AP4B1: variants seen among roughly 807,000 people sequenced by gnomAD.
AP4B1 encodes the protein adaptor related protein complex 4 subunit beta 1.
Under a neutral mutation model 76.5 loss-of-function variants are expected in AP4B1, and 49 were observed. The observed-to-expected ratio is 0.64, with a 90% confidence interval of 0.51 to 0.81. The LOEUF is 0.81. Among genes scored for constraint, AP4B1 ranks in the 40% least tolerant of loss-of-function variants. The pLI is 0.00. For synonymous variants in AP4B1, 330 were observed against 333.3 expected (o/e 0.99, Z 0.11); for missense variants, 911 against 904.9 (o/e 1.01, Z -0.09).
At chr1:113,898,655 A>G (rs1667798340) in intron 6 of AP4B1, 63 bp downstream of exon 6, 6 of 1,213,378 alleles carry the variant, frequency 4.9e-6, no homozygotes, top group African/African-American at 1.5e-5. Context: ...ACATGTTTTG[A>G]GCAACTACTA....
At position 113,902,791 on chromosome 1, in the gene AP4B1, A is replaced by AT. The variant is rs1668450079; in HGVS notation, c.184dup (p.Ile62AsnfsTer50). 6.2e-7 allele frequency: 1 copy of AT among 1,614,240 alleles called. No homozygotes were observed. On this transcript the variant is annotated frameshift_variant, in exon 2 of 10. Transcript: ENST00000369569. LOFTEE classifies it high-confidence loss of function. ...CAGATAAACCAACTTCTTCTGGACA[A>AT]TATCTACAGTGGCACTGGCCTTCAC...
Position 113,902,839 on chromosome 1 carries a change from A to G in AP4B1, c.137T>C (p.Met46Thr). The G allele has an allele frequency of 1.2e-6, 2 of 1,614,220 alleles. No individual in the cohort carries two copies. The highest frequency in any genetic ancestry group is 1.7e-6 in the Non-Finnish European group (2 of 1,180,044). Residue 46 changes from methionine to threonine, a missense_variant, in exon 2 of 10, where the codon ATG (methionine) becomes ACG (threonine). Physicochemically the swap from Met to Thr is moderately conservative, Grantham distance 81. Coordinates refer to ENST00000369569, the MANE Select transcript of AP4B1 (RefSeq NM_001253852.3). ...VIRYMTQGLD[M>T]SGVFMEMVKA... ...CACCATTTCCATAAAAACACCAGAC[A>G]TGTCCAAGCCTTGAGTCATGTACCT... is the stretch of plus-strand genomic sequence containing the variant.
chr1:113,904,500 G>A, intron 1 of AP4B1, 105 bp downstream of exon 1: 1 of 1,060,106 alleles, frequency 9.4e-7, no homozygotes, highest in Non-Finnish European at 1.5e-6. Context: ...CCATATAACT[G>A]CCACGTGTGA....
intron 3 of AP4B1, 70 bp from the exon 4 acceptor site, chr1:113,901,453 A>G (rs1277710261): frequency 6.5e-7 from 1 of 1,539,494 alleles, no homozygotes; most frequent in Non-Finnish European, 9.0e-7. Context: ...AGCCAGAGTA[A>G]TAGCTCCAGG....
rs769542224 is a variant in AP4B1, at chr1:113,895,034, C to G, written c.*31G>C. 1 of 1,596,894 alleles carries G rather than the reference C, an allele frequency of 6.3e-7. No homozygotes were observed. Among genetic ancestry groups the G allele is most frequent in the Non-Finnish European group, 8.6e-7 (1 of 1,168,418 alleles). On this transcript the variant is annotated 3_prime_UTR_variant, in exon 10 of 10. Coordinates refer to ENST00000369569, the MANE Select transcript of AP4B1 (RefSeq NM_001253852.3). ...AGACTAAGAAAGTGTAATAGTTATT[C>G]ATCTTACTCTAGACAAGCAACAAGA... is the stretch of plus-strand genomic sequence containing the variant.
chr1:113,901,522 C>G, intron 3 of AP4B1, 139 bp from the exon 4 acceptor site: 1 of 995,930 alleles, frequency 1.0e-6, no homozygotes, highest in South Asian at 1.7e-5. Flanking sequence ...AAGTGCAAGG[C>G]AAAAAAAAAA....
At position 113,895,008 on chromosome 1, in the gene AP4B1, A is replaced by G. The variant is rs1667289454; in HGVS notation, c.*57T>C. The G allele has an allele frequency of 4.5e-6, 7 of 1,546,124 alleles. No individual in the cohort carries two copies. The highest frequency in any genetic ancestry group is 2.7e-5 in the African/African-American group (2 of 72,944). On this transcript the variant is annotated 3_prime_UTR_variant, in exon 10 of 10. Coordinates refer to ENST00000369569, the MANE Select transcript of AP4B1 (RefSeq NM_001253852.3). ...GGACTTACTGGCAGCTCTAATAGGAAAGACTAAGAAAGTGTAATAGTTATT... is the reference window on the plus strand; with the variant it reads ...GGACTTACTGGCAGCTCTAATAGGAGAGACTAAGAAAGTGTAATAGTTATT...
chr1:113,897,217 C>T (rs1181675028), intron 7 of AP4B1: 4 of 157,724 alleles, frequency 2.5e-5, no homozygotes, highest in Admixed American at 2.4e-4. Context: ...TGATTACGTC[C>T]AAATCTTTGT....
intron 7 of AP4B1, chr1:113,896,692 G>T (rs1667515112): frequency 1.7e-6 from 1 of 591,432 alleles, no homozygotes; most frequent in Non-Finnish European, 3.0e-6. Flanking sequence ...GCCTATGTTG[G>T]ATTAAGCAAT....
chr1:113,896,180 G>C, intron 8 of AP4B1, 78 bp downstream of exon 8: 1 of 1,597,602 alleles, frequency 6.3e-7, no homozygotes. Context: ...TCCCAGACGT[G>C]ACTCACCAAA....
At chr1:113,904,536 C>T in intron 1 of AP4B1, 69 bp downstream of exon 1, 1 of 1,427,426 alleles carries the variant, frequency 7.0e-7, no homozygotes, top group Non-Finnish European at 9.9e-7. Context: ...TTCAGAGAGA[C>T]TGGGGCTAGT....
At chr1:113,895,638 C>G in intron 9 of AP4B1, 119 bp downstream of exon 9, 1 of 1,541,744 alleles carries the variant, frequency 6.5e-7, no homozygotes, top group Middle Eastern at 1.7e-4. Flanking sequence ...TTCTTGCTCA[C>G]AAATGCTTCA....
intron 7 of AP4B1, chr1:113,896,865 C>T (rs1485982881): frequency 3.0e-5 from 7 of 236,058 alleles, no homozygotes; most frequent in African/African-American, 1.4e-4. Context: ...ATCTGTCAGC[C>T]GGGCACGGTG....
chr1:113,901,431 T>C (rs111352150), intron 3 of AP4B1, 48 bp from the exon 4 acceptor site: 1 of 1,591,620 alleles, frequency 6.3e-7, no homozygotes, highest in East Asian at 2.2e-5. Context: ...AGCTTCAGAG[T>C]AACAAGGATG....
Position 113,896,335 on chromosome 1 carries a change from G to A in AP4B1, c.1433C>T (p.Thr478Ile). The A allele has an allele frequency of 2.5e-6, 4 of 1,614,238 alleles. No homozygotes were observed. The highest frequency in any genetic ancestry group is 1.3e-5 in the African/African-American group (1 of 75,064). ...GGAGAGGAAAAGGCGCAGCAAAGCAGTGAGCAGCTCCATCTTAACAGCTGG... is the reference window on the plus strand; with the variant it reads ...GGAGAGGAAAAGGCGCAGCAAAGCAATGAGCAGCTCCATCTTAACAGCTGG... ...TFPAVKMELL[T>I]ALLRLFLSRP... is the part of the protein sequence containing the mutation. The change falls in exon 8 of 10, where the codon ACT becomes ATT. Residue 478 changes from threonine to isoleucine, a missense_variant. Thr to Ile is a moderately conservative substitution (Grantham distance 89). Transcript: ENST00000369569.
chr1:113,901,800 G>C lies in AP4B1; in HGVS notation c.424C>G (p.Leu142Val), dbSNP rs1278693775. ...KASYVRRVAV[L>V]GCAKMHNLHG... ...AGATTATGCATCTTGGCACATCCAA[G>C]GACTGCCACTCTCCTGACATATGAA... The change falls in exon 3 of 10, where the codon CTT becomes GTT. Residue 142 changes from leucine (L) to valine (V), a missense_variant. Leu to Val is a conservative substitution (Grantham distance 32, BLOSUM62 1). Coordinates refer to ENST00000369569, the MANE Select transcript of AP4B1 (RefSeq NM_001253852.3). 2 of 1,614,120 alleles carry C rather than the reference G, an allele frequency of 1.2e-6. No individual in the cohort carries two copies. The highest frequency in any genetic ancestry group is 1.6e-4 in the Middle Eastern group (1 of 6,062).
intron 4 of AP4B1, 23 bp downstream of exon 4, chr1:113,901,213 A>G (rs764080408): frequency 1.2e-6 from 2 of 1,613,966 alleles, no homozygotes; most frequent in South Asian, 1.1e-5. Flanking sequence ...CTCATAATAA[A>G]AAGAGTGCTG....
At chr1:113,901,469 A>G (rs1219173608) in intron 3 of AP4B1, 86 bp from the exon 4 acceptor site, 3 of 1,463,620 alleles carry the variant, frequency 2.0e-6, no homozygotes, top group African/African-American at 2.8e-5. Context: ...CCAGGTAGAC[A>G]AAGTTGAACT....
Position 113,902,001 on chromosome 1 carries a change from A to C in AP4B1, c.339-116T>G. 5 of 1,320,558 alleles carry C rather than the reference A, an allele frequency of 3.8e-6. No individual in the cohort carries two copies. The South Asian group carries it at 6.0e-5, about 16-fold the overall frequency. 81.8% of individuals were successfully genotyped at this position (1,320,558 alleles called of 1,614,324 possible). A position where few individuals can be genotyped will look rare whatever the true frequency, so the allele number is the denominator to read the frequency against. On this transcript the variant is annotated intron_variant, in intron 2 of 9. Transcript: ENST00000369569. ...TGCTGCACCCATCAGATCATGAAGA[A>C]TTGCAGAAAGCCTCTATCAAGCTTA...
Sources: allele counts gnomAD v4.1 joint callset, GRCh38; gene constraint gnomAD v4.1.1; transcripts MANE v1.5; gene names NCBI Gene and HGNC (gene_info 2026-07-23, HGNC 2026-07-21).